AHNAK: variants seen among roughly 807,000 people sequenced by gnomAD.
The protein encoded by AHNAK is neuroblast differentiation-associated protein AHNAK.
In AHNAK, 23 loss-of-function variants were observed where a neutral mutation model predicts 37.8. The observed-to-expected ratio is 0.61, with a 90% CI of 0.44 to 0.86. The LOEUF is 0.86. Ranked by LOEUF, AHNAK falls within the 40% of genes least tolerant of loss-of-function variation. The pLI, the probability that AHNAK is intolerant of heterozygous loss-of-function variation, is 0.00. For missense variants in AHNAK, 7,411 were observed against 7,319.4 expected (o/e 1.01, Z -0.46); for synonymous variants, 2,481 against 2,636.3 (o/e 0.94, Z 1.80).
intron 5 of AHNAK, among the ~76,000 whole-genome samples, chr11:62,477,287 G>A (rs1305647533): frequency 6.6e-6 from 1 of 152,186 alleles, no homozygotes; most frequent in African/African-American, 2.4e-5. Flanking sequence ...TAATAAAGAT[G>A]TGTTTGAGCC....
chr11:62,537,813 G>T (rs765389966), intron 1 of AHNAK, among the ~76,000 whole-genome samples: 9 of 151,922 alleles, frequency 5.9e-5, no homozygotes, highest in Non-Finnish European at 1.2e-4. Flanking sequence ...CTCCCGAGTA[G>T]CTGGGATTAC....
chr11:62,468,358 GAAAA>G (rs67985309), intron 5 of AHNAK, among the ~76,000 whole-genome samples: 178 of 148,424 alleles, frequency 1.2e-3, no homozygotes, highest in East Asian at 7.1e-3. Flanking sequence ...CCAAAAAAAA[GAAAA>G]AAAAAAAAAA....
intron 5 of AHNAK, among the ~76,000 whole-genome samples, chr11:62,477,158 C>A (rs1367727294): frequency 6.6e-6 from 1 of 152,154 alleles, no homozygotes; most frequent in African/African-American, 2.4e-5. Flanking sequence ...CAGCAGGATG[C>A]AGAAAATGCT....
Position 62,529,066 on chromosome 11 carries a change from G to A in AHNAK, c.5351C>T (p.Pro1784Leu). ...TCCCTTCAAATTCAAGTCCACATCT[G>A]GCATGGAGACCTTGGGAGCTTTTAT... ...LNIKAPKVSM[P>L]DVDLNLKGPK... Residue 1784 changes from proline (P) to leucine (L), a missense_variant, in exon 5 of 5, where the codon CCA becomes CTA. Transcript: ENST00000378024. 2 of 1,614,180 alleles carry A rather than the reference G, an allele frequency of 1.2e-6. No homozygotes were observed. Among genetic ancestry groups the A allele is most frequent in the South Asian group, 1.1e-5 (1 of 91,080 alleles).
At chr11:62,454,142 G>T (rs1325050123) in intron 5 of AHNAK, among the ~76,000 whole-genome samples, 1 of 150,856 alleles carries the variant, frequency 6.6e-6, no homozygotes, top group Non-Finnish European at 1.5e-5. Context: ...GGCTGGGTAC[G>T]GTGGCTCATG....
chr11:62,456,813 G>T (rs138765913), intron 5 of AHNAK, among the ~76,000 whole-genome samples: 2 of 152,198 alleles, frequency 1.3e-5, no homozygotes, highest in African/African-American at 4.8e-5. Context: ...GTCTGGAGCA[G>T]GTGGTTCAGA....
Position 62,521,126 on chromosome 11 carries a change from G to C in AHNAK, c.13291C>G (p.Pro4431Ala), listed in dbSNP as rs774753957. 6.2e-7 allele frequency: 1 copy of C among 1,613,848 alleles called. No individual in the cohort carries two copies. The highest frequency in any genetic ancestry group is 8.5e-7 in the Non-Finnish European group (1 of 1,179,992). Reference sequence around the variant, plus strand: ...TCCGGACCTTCAATATTGACATCAGGTGTGTCAATGTCCAAACTGGGGCCT... The same window carrying C: ...TCCGGACCTTCAATATTGACATCAGCTGTGTCAATGTCCAAACTGGGGCCT... ...IKGPSLDIDT[P>A]DVNIEGPEGK... Residue 4431 changes from proline (P) to alanine (A), a missense_variant, in exon 5 of 5, where the codon CCT becomes GCT. Transcript: ENST00000378024.
chr11:62,518,101 T>A lies in AHNAK; in HGVS notation c.16316A>T (p.Asp5439Val). Reference sequence around the variant, plus strand: ...AATCCGAGGCCCTTTCAGGTTCACATCCACACCTGGCCCCTTCAGTTCGCC... The same window carrying A: ...AATCCGAGGCCCTTTCAGGTTCACAACCACACCTGGCCCCTTCAGTTCGCC... ...VSGELKGPGVDVNLKGPRISA... is the reference protein window; with the variant it reads ...VSGELKGPGVVVNLKGPRISA... The change falls in exon 5 of 5, where the codon GAT becomes GTT. Residue 5439 changes from aspartate (D) to valine (V), a missense_variant. Transcript: ENST00000378024. 5 of 1,614,206 alleles carry A rather than the reference T, an allele frequency of 3.1e-6. No homozygotes were observed. Among genetic ancestry groups the A allele is most frequent in the Non-Finnish European group, 4.2e-6 (5 of 1,180,026 alleles).
At chr11:62,444,058 G>A (rs1408695580) in intron 5 of AHNAK, among the ~76,000 whole-genome samples, 1 of 152,154 alleles carries the variant, frequency 6.6e-6, no homozygotes, top group East Asian at 1.9e-4. Flanking sequence ...TCCGGGGAGT[G>A]TGGTGGCACA....
intron 1 of AHNAK, chr11:62,545,886 T>G (rs1941292437): frequency 6.6e-6 from 1 of 152,206 alleles, no homozygotes; most frequent in Non-Finnish European, 1.5e-5. Flanking sequence ...AAGCGCCGCC[T>G]CCGGAGGGGA....
intron 5 of AHNAK, among the ~76,000 whole-genome samples, chr11:62,434,911 C>G (rs57761101): frequency 0.01 from 1,165 of 111,062 alleles, 16 homozygotes; most frequent in African/African-American, 0.035. Flanking sequence ...TCAGCCTGGA[C>G]AACATGGCAA....
In AHNAK at chr11:62,535,024, G is replaced by A. The variant is rs778959600; in HGVS notation, c.321C>T (p.Ser107=). 1.2e-6 allele frequency: 2 copies of A among 1,611,696 alleles called. No individual in the cohort carries two copies. The highest frequency in any genetic ancestry group is 1.1e-5 in the South Asian group (1 of 91,010). ...TCACCAGAACCACTTCAGAGCTGCA[G>A]GAGCTGAAGACTTCACGGGTCCAGG... ...GQTWTREVFS[S]CSSEVVLSGD... is the part of the protein sequence containing the mutation. Residue 107 remains serine, a synonymous_variant, in exon 4 of 5, where the codon TCC becomes TCT. Transcript: ENST00000378024.
In AHNAK at chr11:62,518,193, C is replaced by A. The variant is rs61625484; in HGVS notation, c.16224G>T (p.Leu5408=). ...EGSIKLPKMK[L]PQFGISTPGS... ...CCGGAGTAGAGATGCCAAATTGGGG[C>A]AGCTTCATTTTGGGAAGTTTAATGC... is the stretch of plus-strand genomic sequence containing the variant. The change falls in exon 5 of 5, where the codon CTG becomes CTT. Residue 5408 remains leucine, a synonymous_variant. Transcript: ENST00000378024. The A allele has an allele frequency of 2.5e-6, 4 of 1,614,120 alleles. No individual in the cohort carries two copies. Among genetic ancestry groups the A allele is most frequent in the Non-Finnish European group, 3.4e-6 (4 of 1,180,016 alleles).
chr11:62,527,542 T>G lies in AHNAK; in HGVS notation c.6875A>C (p.Glu2292Ala). The G allele has an allele frequency of 1.9e-6, 3 of 1,612,810 alleles. No homozygotes were observed. Among genetic ancestry groups the G allele is most frequent in the Non-Finnish European group, 2.5e-6 (3 of 1,179,686 alleles). The change falls in exon 5 of 5, where the codon GAA (glutamate) becomes GCA (alanine). Residue 2292 changes from glutamate to alanine, a missense_variant. By Grantham distance (107) the Glu-to-Ala change is moderately radical. Coordinates refer to ENST00000378024, the MANE Select transcript of AHNAK (RefSeq NM_001620.3). ...EVPDVSLEGP[E>A]GKLKGPKFKM... ...AAACTTGGGGCCCTTCAGCTTCCCTTCTGGACCTTCAAGGCTCACATCTGG... is the reference window on the plus strand; with the variant it reads ...AAACTTGGGGCCCTTCAGCTTCCCTGCTGGACCTTCAAGGCTCACATCTGG...
At position 62,518,187 on chromosome 11, in the gene AHNAK, T is replaced by C; in HGVS notation, c.16230A>G (p.Gln5410=). 1.9e-6 allele frequency: 3 copies of C among 1,614,154 alleles called. No homozygotes were observed. Among genetic ancestry groups the C allele is most frequent in the East Asian group, 2.2e-5 (1 of 44,874 alleles). The change falls in exon 5 of 5, where the codon CAA becomes CAG. Residue 5410 remains glutamine (Q), a synonymous_variant. Coordinates refer to ENST00000378024, the MANE Select transcript of AHNAK (RefSeq NM_001620.3). ...SIKLPKMKLP[Q]FGISTPGSDL... ...CGGACCCCGGAGTAGAGATGCCAAA[T>C]TGGGGCAGCTTCATTTTGGGAAGTT...
Position 62,530,937 on chromosome 11 carries a change from G to C in AHNAK, c.3480C>G (p.Pro1160=), listed in dbSNP as rs201692519. 1 of 1,613,292 alleles carries C rather than the reference G, an allele frequency of 6.2e-7. No individual in the cohort carries two copies. Among genetic ancestry groups the C allele is most frequent in the East Asian group, 2.2e-5 (1 of 44,800 alleles). Residue 1160 remains proline, a synonymous_variant, in exon 5 of 5, where the codon CCC becomes CCG. Coordinates refer to ENST00000378024, the MANE Select transcript of AHNAK (RefSeq NM_001620.3). ...LPKADVVVSG[P]KVDIEAPDVS... ...CATCTGGGGCTTCGATGTCCACCTTGGGTCCTGAGACAACAACGTCAGCCT... is the reference window on the plus strand; with the variant it reads ...CATCTGGGGCTTCGATGTCCACCTTCGGTCCTGAGACAACAACGTCAGCCT...
intron 5 of AHNAK, among the ~76,000 whole-genome samples, chr11:62,483,112 T>C (rs1939309645): frequency 6.6e-6 from 1 of 152,082 alleles, no homozygotes; most frequent in Non-Finnish European, 1.5e-5. Flanking sequence ...CCAGCATCTG[T>C]TCCTCCTGAA....
chr11:62,482,145 T>C (rs1269483442), intron 5 of AHNAK, among the ~76,000 whole-genome samples: 1 of 152,196 alleles, frequency 6.6e-6, no homozygotes, highest in Non-Finnish European at 1.5e-5. Context: ...CCGGGTGCAG[T>C]GGCTCACATC....
Position 62,516,175 on chromosome 11 carries a change from A to G in AHNAK, c.*569T>C. Reference sequence around the variant, plus strand: ...CGTCAGCACCAAACTGGCTGGGACCACCACCCCTGGGTGAAAGAAACAACA... The same window carrying G: ...CGTCAGCACCAAACTGGCTGGGACCGCCACCCCTGGGTGAAAGAAACAACA... On this transcript the variant is annotated 3_prime_UTR_variant, in exon 5 of 5. Transcript: ENST00000378024. The G allele has an allele frequency of 1.6e-6, 2 of 1,289,214 alleles. No individual in the cohort carries two copies. Among genetic ancestry groups the G allele is most frequent in the Non-Finnish European group, 1.0e-6 (1 of 988,676 alleles). The allele number at this position is 1,289,214 out of a possible 1,614,324, so 79.9% of individuals were successfully genotyped here. A position where few individuals can be genotyped will look rare whatever the true frequency, so the allele number is the denominator to read the frequency against.
Sources: gnomAD v4.1 joint callset for allele counts (sites outside exome capture counted in the v4.1 genomes callset) on GRCh38, gnomAD v4.1.1 for gene constraint, MANE v1.5 for transcripts, NCBI Gene and HGNC (gene_info 2026-07-23, HGNC 2026-07-21) for gene names.